The following COG5 variants were observed in gnomAD, a reference collection of about 807,000 sequenced individuals.
COG5 encodes conserved oligomeric Golgi complex subunit 5.
In COG5, 86 loss-of-function variants were observed where a neutral mutation model predicts 110.4. The ratio of observed to expected loss-of-function variants is 0.78; its 90% confidence interval spans 0.65 to 0.93. The LOEUF is 0.93. Ranked by LOEUF, COG5 falls within the 40% of genes least tolerant of loss-of-function variation. COG5 has a pLI of 0.00. For missense variants in COG5, 1,077 were observed against 987.0 expected (o/e 1.09, Z -1.22); for synonymous variants, 360 against 334.6 (o/e 1.08, Z -0.83).
At chr7:107,325,554 G>A (rs1025578782) in intron 10 of COG5, among the ~76,000 whole-genome samples, 3 of 152,172 alleles carry the variant, frequency 2.0e-5, no homozygotes, top group African/African-American at 7.2e-5. Flanking sequence ...GGGAGACTGA[G>A]GCAGGAGAAT....
intron 5 of COG5, among the ~76,000 whole-genome samples, chr7:107,543,005 G>A (rs10263886): frequency 0.011 from 1,709 of 149,728 alleles, 32 homozygotes; most frequent in African/African-American, 0.039. Flanking sequence ...CAATATAGAT[G>A]AATTCAAAAA....
intron 6 of COG5, among the ~76,000 whole-genome samples, chr7:107,522,880 T>G (rs1371673883): frequency 6.6e-6 from 1 of 152,240 alleles, no homozygotes; most frequent in Non-Finnish European, 1.5e-5. Flanking sequence ...GAGATCTCTG[T>G]TCCATTGATC....
chr7:107,216,264 TA>T (rs1371842201), intron 19 of COG5, among the ~76,000 whole-genome samples: 1 of 152,208 alleles, frequency 6.6e-6, no homozygotes, highest in East Asian at 1.9e-4. Context: ...AAATATTAAA[TA>T]ATTTAAAGAC....
At chr7:107,558,914 C>CA (rs34483652) in intron 1 of COG5, among the ~76,000 whole-genome samples, 1,757 of 31,142 alleles carry the variant, frequency 0.056, 67 homozygotes, top group East Asian at 0.14. Context: ...GACTTCATCT[C>CA]AAAAAAAAAA....
At chr7:107,365,888 A>C (rs1263424987) in intron 8 of COG5, among the ~76,000 whole-genome samples, 4 of 152,132 alleles carry the variant, frequency 2.6e-5, no homozygotes. Flanking sequence ...ACAAACCTAA[A>C]TTAAATTGCA....
At chr7:107,228,729 G>T (rs1248549610) in intron 19 of COG5, among the ~76,000 whole-genome samples, 1 of 150,974 alleles carries the variant, frequency 6.6e-6, no homozygotes, top group South Asian at 2.1e-4. Flanking sequence ...GATGGGCAGT[G>T]ATCTTTCATT....
chr7:107,432,512 A>ACC (rs1794092990), intron 6 of COG5, among the ~76,000 whole-genome samples: 1 of 152,184 alleles, frequency 6.6e-6, no homozygotes, highest in Non-Finnish European at 1.5e-5. Context: ...ATAAGTACAG[A>ACC]CCACAGGAAA....
intron 5 of COG5, among the ~76,000 whole-genome samples, chr7:107,531,781 C>G (rs1801227549): frequency 6.6e-6 from 1 of 151,644 alleles, no homozygotes; most frequent in Non-Finnish European, 1.5e-5. Context: ...TTTCGGCCAG[C>G]AGAAGCCTCT....
intron 7 of COG5, among the ~76,000 whole-genome samples, chr7:107,389,452 C>T (rs1456264748): frequency 6.6e-6 from 1 of 152,216 alleles, no homozygotes; most frequent in Non-Finnish European, 1.5e-5. Context: ...ATGGCTAAAT[C>T]ATGGCAAAGA....
chr7:107,376,966 C>T (rs187370960), intron 7 of COG5, among the ~76,000 whole-genome samples: 1 of 152,078 alleles, frequency 6.6e-6, no homozygotes, highest in Non-Finnish European at 1.5e-5. Context: ...TCTGTGGCTA[C>T]ATTTACTAAC....
intron 7 of COG5, among the ~76,000 whole-genome samples, chr7:107,392,533 A>G (rs137882542): frequency 0.014 from 2,201 of 152,256 alleles, 51 homozygotes; most frequent in African/African-American, 0.051. Context: ...CAATTAAAGA[A>G]AGGCCTATTT....
intron 5 of COG5, among the ~76,000 whole-genome samples, chr7:107,546,348 TA>T (rs1277183716): frequency 2.0e-5 from 3 of 147,752 alleles, no homozygotes; most frequent in Non-Finnish European, 4.5e-5. Context: ...AGGAAGAAAA[TA>T]ATAAAGATCA....
chr7:107,563,393 T>G, intron 1 of COG5: 1 of 304,356 alleles, frequency 3.3e-6, no homozygotes, highest in South Asian at 2.9e-5. Context: ...CAAGGCCCTA[T>G]TTCATTATGC....
intron 8 of COG5, among the ~76,000 whole-genome samples, chr7:107,371,407 T>C (rs1174483045): frequency 6.6e-6 from 1 of 152,074 alleles, no homozygotes. Context: ...TGGGGCAACA[T>C]AGCAAAACTC....
intron 10 of COG5, among the ~76,000 whole-genome samples, chr7:107,355,959 C>T (rs1165849746): frequency 6.6e-6 from 1 of 152,182 alleles, no homozygotes; most frequent in Non-Finnish European, 1.5e-5. Flanking sequence ...ACAGTTTACA[C>T]ATTAGAGTTT....
At chr7:107,231,436 G>A in intron 18 of COG5, among the ~76,000 whole-genome samples, 1 of 152,082 alleles carries the variant, frequency 6.6e-6, no homozygotes, top group East Asian at 1.9e-4. Flanking sequence ...TCCTTTGACT[G>A]GAAATTCTAC....
chr7:107,414,118 A>G (rs1461952057), intron 6 of COG5, among the ~76,000 whole-genome samples: 1 of 152,234 alleles, frequency 6.6e-6, no homozygotes, highest in Non-Finnish European at 1.5e-5. Flanking sequence ...ATAACTGTTC[A>G]AAAAATTTGC....
intron 11 of COG5, among the ~76,000 whole-genome samples, chr7:107,303,108 T>G (rs1240397050): frequency 6.6e-6 from 1 of 152,146 alleles, no homozygotes; most frequent in East Asian, 1.9e-4. Context: ...TTTCTTTTTT[T>G]TCTTAGAGAT....
chr7:107,409,501 C>A (rs538814114), intron 7 of COG5, among the ~76,000 whole-genome samples: 1 of 151,622 alleles, frequency 6.6e-6, no homozygotes, highest in African/African-American at 2.4e-5. Context: ...ACAGTAAGAG[C>A]AGCTTATTCT....
Sources: gnomAD v4.1 joint callset for allele counts (sites outside exome capture counted in the v4.1 genomes callset) on GRCh38, gnomAD v4.1.1 for gene constraint, MANE v1.5 for transcripts, NCBI Gene and HGNC (gene_info 2026-07-23, HGNC 2026-07-21) for gene names.